The following RGS22 variants were observed in gnomAD, a reference collection of about 807,000 sequenced individuals.
RGS22 encodes the protein regulator of G-protein signaling 22.
Under a neutral mutation model 172.9 loss-of-function variants are expected in RGS22, and 148 were observed. The observed-to-expected ratio is 0.86, with a 90% CI of 0.75 to 0.98. RGS22 has a LOEUF of 0.98. RGS22 is among the 50% of genes least tolerant of loss of function. The pLI is 0.00. For missense variants in RGS22, 1,347 were observed against 1,440.8 expected, an observed-to-expected ratio of 0.93 and a Z score of 1.05; for synonymous variants, 458 against 480.2, an observed-to-expected ratio of 0.95 and a Z score of 0.60.
At chr8:99,997,514 T>TG (rs1214563764) in intron 19 of RGS22, among the ~76,000 whole-genome samples, 2 of 152,208 alleles carry the variant, frequency 1.3e-5, no homozygotes, top group African/African-American at 4.8e-5. Context: ...TCTTCCCAGC[T>TG]GCATTGTGTT....
chr8:100,037,661 G>A (rs1202612525), intron 14 of RGS22, among the ~76,000 whole-genome samples: 3 of 152,112 alleles, frequency 2.0e-5, no homozygotes, highest in Admixed American at 6.5e-5. Flanking sequence ...AAACTCAATT[G>A]GGCAGCTGAA....
intron 8 of RGS22, 115 bp downstream of exon 8, chr8:100,063,301 G>A (rs367836961): frequency 4.1e-5 from 27 of 659,400 alleles, no homozygotes; most frequent in East Asian, 5.8e-5. Context: ...TCCTCCAAGA[G>A]TAAAAAATTA....
intron 21 of RGS22, among the ~76,000 whole-genome samples, 166 bp downstream of exon 21, chr8:99,987,292 T>C (rs1369725406): frequency 6.6e-6 from 1 of 152,168 alleles, no homozygotes; most frequent in Non-Finnish European, 1.5e-5. Flanking sequence ...TAAATGTATC[T>C]AGAGATTGGA....
In RGS22 at chr8:100,105,925, G is replaced by C; in HGVS notation, c.-4C>G. ...CGGTGAGCCTCTTCTCGGGCATGCC[G>C]TCCCCGCTGCCCGCGCCTGGAGCCC... On this transcript the variant is annotated 5_prime_UTR_variant, in exon 1 of 28. Transcript: ENST00000360863. 2 of 1,486,344 alleles carry C rather than the reference G, an allele frequency of 1.3e-6. No individual in the cohort carries two copies. The highest frequency in any genetic ancestry group is 1.3e-5 in the South Asian group (1 of 78,048). The allele number at this position is 1,486,344 out of a possible 1,614,324, so 92.1% of individuals were successfully genotyped here.
intron 5 of RGS22, among the ~76,000 whole-genome samples, chr8:100,071,840 C>T (rs370221154): frequency 1.2e-4 from 18 of 152,290 alleles, no homozygotes; most frequent in Non-Finnish European, 2.1e-4. Flanking sequence ...CTATGTTTTT[C>T]GCGTCACACT....
At chr8:100,081,790 A>G (rs201965218) in intron 3 of RGS22, among the ~76,000 whole-genome samples, 1 of 152,168 alleles carries the variant, frequency 6.6e-6, no homozygotes, top group East Asian at 1.9e-4. Flanking sequence ...GAATGACATC[A>G]AATATTAATG....
At chr8:100,013,058 C>T (rs1816575780) in intron 14 of RGS22, among the ~76,000 whole-genome samples, 1 of 141,752 alleles carries the variant, frequency 7.1e-6, no homozygotes, top group Non-Finnish European at 1.5e-5. Context: ...GGCGTAATCT[C>T]GGCTCACTGC....
chr8:100,052,394 C>T (rs921140576), intron 10 of RGS22, among the ~76,000 whole-genome samples: 2 of 150,778 alleles, frequency 1.3e-5, no homozygotes, highest in African/African-American at 4.9e-5. Flanking sequence ...CTCCGCCTCC[C>T]GGATTCCCGC....
chr8:100,082,016 A>T (rs921801549), intron 3 of RGS22, among the ~76,000 whole-genome samples: 12 of 152,062 alleles, frequency 7.9e-5, no homozygotes, highest in African/African-American at 2.6e-4. Flanking sequence ...TCAATGGATA[A>T]ATAAAACATT....
intron 14 of RGS22, among the ~76,000 whole-genome samples, chr8:100,015,420 G>A (rs1816839740): frequency 6.6e-6 from 1 of 152,084 alleles, no homozygotes; most frequent in Non-Finnish European, 1.5e-5. Flanking sequence ...AGCCTCCTGA[G>A]TAGCTGGGAC....
At chr8:100,006,846 G>A (rs1309048516) in intron 15 of RGS22, among the ~76,000 whole-genome samples, 1 of 152,030 alleles carries the variant, frequency 6.6e-6, no homozygotes, top group African/African-American at 2.4e-5. Context: ...ACTAAAAACT[G>A]TACAATTTGT....
At chr8:100,025,411 T>C (rs1360297774) in intron 14 of RGS22, among the ~76,000 whole-genome samples, 3 of 152,168 alleles carry the variant, frequency 2.0e-5, no homozygotes, top group African/African-American at 7.2e-5. Context: ...CATAAAGCTA[T>C]AAAGAGGTAC....
Position 100,075,016 on chromosome 8 carries a change from C to T in RGS22, c.340-2786G>A, listed in dbSNP as rs557908361. ...CGATCTCCTGACCTCATGATCCAGC[C>T]GTCTCGGCCTCTCAAAGTGCTGGGA... On this transcript the variant is annotated intron_variant, in intron 4 of 27. Transcript: ENST00000360863. 5.3e-4 allele frequency among the ~76,000 whole-genome samples: 80 copies of T among 152,266 alleles called. 1 individual carries two copies. The highest frequency in any genetic ancestry group is 3.1e-3 in the South Asian group (15 of 4,822).
At chr8:100,033,612 A>T (rs542647873) in intron 14 of RGS22, among the ~76,000 whole-genome samples, 12 of 152,222 alleles carry the variant, frequency 7.9e-5, no homozygotes, top group Non-Finnish European at 1.3e-4. Context: ...AGGACCTGGT[A>T]CCATTTCTTT....
chr8:100,063,718 T>G lies in RGS22; in HGVS notation c.1050A>C (p.Lys350Asn), dbSNP rs762204039. Residue 350 changes from lysine (K) to asparagine (N), a missense_variant, in exon 8 of 28, where the codon AAA becomes AAC. Lys to Asn is a moderately conservative substitution (Grantham distance 94). Transcript: ENST00000360863. ...ACTCAAAACAATCATCAAATGACAC[T>G]TTTGTTATATTGTTGAAGTTTATAT... is the stretch of plus-strand genomic sequence containing the variant. ...PDYINFNNITKVSFDDCFESI... is the reference protein window; with the variant it reads ...PDYINFNNITNVSFDDCFESI... 5.6e-6 allele frequency: 9 copies of G among 1,613,980 alleles called. No individual in the cohort carries two copies. The South Asian group carries it at 8.8e-5, about 16-fold the overall frequency.
At chr8:100,038,367 A>G (rs1228148727) in intron 14 of RGS22, among the ~76,000 whole-genome samples, 2 of 150,594 alleles carry the variant, frequency 1.3e-5, no homozygotes, top group Non-Finnish European at 2.9e-5. Flanking sequence ...ATTTGGCTTC[A>G]GGGTGGTCTT....
intron 9 of RGS22, among the ~76,000 whole-genome samples, chr8:100,060,402 G>GTGTATATATATATATATATATA (rs1193942289): frequency 9.7e-6 from 1 of 102,934 alleles, no homozygotes; most frequent in Non-Finnish European, 2.2e-5. Flanking sequence ...TTAGCTACGT[G>GTGTATATATATATATATATATA]TATATATATA....
chr8:100,011,336 C>T (rs1317297620), intron 14 of RGS22, among the ~76,000 whole-genome samples: 1 of 152,094 alleles, frequency 6.6e-6, no homozygotes. Flanking sequence ...ATTTCAATAG[C>T]TAGACAAGAA....
chr8:100,065,992 A>G (rs979002089), intron 7 of RGS22, among the ~76,000 whole-genome samples, 175 bp downstream of exon 7: 4 of 152,184 alleles, frequency 2.6e-5, no homozygotes, highest in African/African-American at 2.4e-5. Flanking sequence ...TTCTAAACCC[A>G]TCTCCTTTTC....
Sources: gnomAD v4.1 joint callset for allele counts (sites outside exome capture counted in the v4.1 genomes callset) on GRCh38, gnomAD v4.1.1 for gene constraint, MANE v1.5 for transcripts, NCBI Gene and HGNC (gene_info 2026-07-23, HGNC 2026-07-21) for gene names.